Variants in PRICKLE2 observed in about 807,000 individuals in gnomAD.
PRICKLE2 encodes prickle planar cell polarity protein 2.
PRICKLE2 carries 21 observed loss-of-function variants against 81.4 expected under a neutral mutation model. The observed-to-expected ratio is 0.26, with a 90% CI of 0.18 to 0.37. The LOEUF (loss-of-function observed/expected upper bound fraction) is 0.37, where lower values mean the gene tolerates loss of function less well. PRICKLE2 is among the 10% of genes least tolerant of loss of function. The probability of loss-of-function intolerance (pLI) is 1.00; values close to 1 mark genes in which losing one functional copy is unlikely to be tolerated. For synonymous variants in PRICKLE2, 456 were observed against 421.5 expected (o/e 1.08, Z -1.00); for missense variants, 940 against 1,109.0 (o/e 0.85, Z 2.16).
At chr3:64,235,017 T>C (rs991068302) in intron 2 of PRICKLE2, among the ~76,000 whole-genome samples, 8 of 152,210 alleles carry the variant, frequency 5.3e-5, no homozygotes, top group African/African-American at 1.7e-4. Context: ...GTAGGTGTGC[T>C]TGATGGTATC....
At chr3:64,235,420 G>A (rs2079165147) in intron 2 of PRICKLE2, among the ~76,000 whole-genome samples, 1 of 152,068 alleles carries the variant, frequency 6.6e-6, no homozygotes, top group Non-Finnish European at 1.5e-5. Context: ...CCTGTATATA[G>A]GTCACACTTT....
intron 2 of PRICKLE2, among the ~76,000 whole-genome samples, chr3:64,265,596 C>T (rs1351979067): frequency 6.6e-6 from 1 of 152,160 alleles, no homozygotes; most frequent in Non-Finnish European, 1.5e-5. Flanking sequence ...CTACACAAAG[C>T]AGCACGCATG....
chr3:64,148,413 G>A (rs2077491722), intron 6 of PRICKLE2, among the ~76,000 whole-genome samples: 1 of 152,210 alleles, frequency 6.6e-6, no homozygotes, highest in Middle Eastern at 3.2e-3. Context: ...TAAAAGTGAA[G>A]CTCTATGAGG....
chr3:64,157,981 C>T (rs1374112516), intron 4 of PRICKLE2, among the ~76,000 whole-genome samples: 1 of 152,228 alleles, frequency 6.6e-6, no homozygotes, highest in Non-Finnish European at 1.5e-5. Flanking sequence ...TCTTCCTATC[C>T]CTTCCCTACC....
At position 64,256,636 on chromosome 3, in the gene PRICKLE2, T is replaced by C. The variant is rs140163780; in HGVS notation, c.129-57669A>G. ...AAAGCCTGGCACAAAGTTACTCAAC[T>C]ATTTATTCATTTTTGTGAGATATTA... On this transcript the variant is annotated intron_variant, in intron 2 of 8. Coordinates refer to the PRICKLE2 transcript ENST00000295902. Among the ~76,000 whole-genome samples the C allele has an allele frequency of 9.6e-4, 147 of 152,352 alleles. 1 individual carries two copies. The highest frequency in any genetic ancestry group is 1.7e-3 in the Non-Finnish European group (118 of 68,032).
chr3:64,158,495 A>G (rs1303722588), intron 4 of PRICKLE2, among the ~76,000 whole-genome samples: 1 of 152,268 alleles, frequency 6.6e-6, no homozygotes, highest in Non-Finnish European at 1.5e-5. Context: ...GAAAAGTAAC[A>G]CGGTCAAGGT....
chr3:64,165,964 GTGTGTGTGTGTGTGTGTGTGT>G (rs774091696), intron 2 of PRICKLE2, among the ~76,000 whole-genome samples: 2 of 120,772 alleles, frequency 1.7e-5, no homozygotes, highest in Admixed American at 7.5e-5. Flanking sequence ...TGTTATAAAG[GTGTGTGTGTGTGTGTGTGTGT>G]GTGTGTGTGT....
Position 64,235,664 on chromosome 3 carries a change from T to C in PRICKLE2, c.129-36697A>G, listed in dbSNP as rs369065198. On this transcript the variant is annotated intron_variant, in intron 2 of 8. Transcript: ENST00000295902. ...GGAGGGCCTGAGACCAGTTTTCCTA[T>C]TGATATCACACCCAACAGTTAACCT... Among the ~76,000 whole-genome samples the C allele has an allele frequency of 3.3e-5, 5 of 152,162 alleles. No individual in the cohort carries two copies. In the South Asian group the frequency reaches 8.3e-4, roughly 25 times the overall value.
At chr3:64,152,482 T>TG (rs2077563278) in intron 6 of PRICKLE2, among the ~76,000 whole-genome samples, 1 of 152,178 alleles carries the variant, frequency 6.6e-6, no homozygotes, top group Non-Finnish European at 1.5e-5. Flanking sequence ...TGCCACTTAT[T>TG]GGGGGAGTTA....
intron 2 of PRICKLE2, among the ~76,000 whole-genome samples, chr3:64,243,328 G>A (rs1373832097): frequency 1.3e-5 from 2 of 152,214 alleles, no homozygotes; most frequent in African/African-American, 4.8e-5. Context: ...GTGTTCAGCA[G>A]TACCCATGAC....
chr3:64,207,602 T>C (rs540142290), intron 1 of PRICKLE2, among the ~76,000 whole-genome samples: 4 of 152,260 alleles, frequency 2.6e-5, no homozygotes, highest in South Asian at 2.1e-4. Context: ...GCGGGTCTGT[T>C]CTGAACTGGT....
chr3:64,114,649 A>C (rs141005781), intron 7 of PRICKLE2, among the ~76,000 whole-genome samples: 180 of 146,488 alleles, frequency 1.2e-3, no homozygotes, highest in Non-Finnish European at 1.8e-3. Context: ...TTTTTGAAAT[A>C]AGACAGGCAG....
intron 1 of PRICKLE2, among the ~76,000 whole-genome samples, chr3:64,223,906 C>A (rs531448529): frequency 6.6e-6 from 1 of 152,344 alleles, no homozygotes; most frequent in African/African-American, 2.4e-5. Context: ...TGGTTTAAAA[C>A]ACTCTTTGGG....
chr3:64,201,343 C>T (rs1246446290), intron 1 of PRICKLE2, among the ~76,000 whole-genome samples: 1 of 152,132 alleles, frequency 6.6e-6, no homozygotes, highest in Non-Finnish European at 1.5e-5. Context: ...ATATCTGTAC[C>T]TTTGTACATT....
intron 4 of PRICKLE2, among the ~76,000 whole-genome samples, chr3:64,158,304 A>C (rs1476114947): frequency 2.0e-5 from 3 of 152,328 alleles, no homozygotes; most frequent in Middle Eastern, 3.4e-3. Context: ...TTAGAAAATG[A>C]AGTAAAGACC....
intron 7 of PRICKLE2, among the ~76,000 whole-genome samples, chr3:64,123,013 C>G (rs927637237): frequency 2.0e-4 from 31 of 152,164 alleles, no homozygotes; most frequent in African/African-American, 7.2e-4. Flanking sequence ...TGTGAACACT[C>G]TGGGAATGCT....
In PRICKLE2 at chr3:64,099,324, G is replaced by C; in HGVS notation, c.2262C>G (p.Asp754Glu). The C allele has an allele frequency of 6.2e-7, 1 of 1,614,200 alleles. No individual in the cohort carries two copies. Among genetic ancestry groups the C allele is most frequent in the Non-Finnish European group, 8.5e-7 (1 of 1,180,030 alleles). Reference sequence around the variant, plus strand: ...CCCCAAAGGCATTCTGCAAAGCCAGGTCCGACACAGTCCTAGGGCACTGGC... The same window carrying C: ...CCCCAAAGGCATTCTGCAAAGCCAGCTCCGACACAGTCCTAGGGCACTGGC... ...LYGQCPRTVSDLALQNAFGDR... is the reference protein window; with the variant it reads ...LYGQCPRTVSELALQNAFGDR... The change falls in exon 8 of 8, where the codon GAC (aspartate) becomes GAG (glutamate). Residue 754 changes from aspartate (D) to glutamate (E), a missense_variant. Asp to Glu is a conservative substitution (Grantham distance 45). Transcript: ENST00000638394. This position sits in a 1 kb window ranked among gnomAD's most constrained non-coding sequence, Gnocchi z 4.3.
chr3:64,234,726 T>C (rs916335860), intron 2 of PRICKLE2, among the ~76,000 whole-genome samples: 19 of 152,198 alleles, frequency 1.2e-4, no homozygotes, highest in Non-Finnish European at 2.5e-4. Context: ...AAGAGCATTC[T>C]TCTAGGTCTC....
intron 2 of PRICKLE2, among the ~76,000 whole-genome samples, chr3:64,248,503 C>T: frequency 6.6e-6 from 1 of 152,242 alleles, no homozygotes; most frequent in East Asian, 1.9e-4. Flanking sequence ...AAAAGGTCAG[C>T]CTTTCTAGCT....
Sources: gnomAD v4.1 joint callset for allele counts (sites outside exome capture counted in the v4.1 genomes callset) on GRCh38, gnomAD v4.1.1 for gene constraint, Gnocchi (gnomAD v3.1) non-coding constraint, MANE v1.5 for transcripts, NCBI Gene and HGNC (gene_info 2026-07-23, HGNC 2026-07-21) for gene names.